Variants in LDB2 observed in about 807,000 individuals in gnomAD.
The protein encoded by LDB2 is LIM domain-binding protein 2.
LDB2 carries 12 observed loss-of-function variants against 44.3 expected under a neutral mutation model. The observed-to-expected ratio is 0.27, with a 90% CI of 0.17 to 0.44. The LOEUF (loss-of-function observed/expected upper bound fraction) is 0.44. Ranked by LOEUF, LDB2 falls within the 20% of genes least tolerant of loss-of-function variation. The pLI, the probability that LDB2 is intolerant of heterozygous loss-of-function variation, is 1.00. For synonymous variants in LDB2, 164 were observed against 174.8 expected (o/e 0.94, Z 0.49); for missense variants, 344 against 473.5 (o/e 0.73, Z 2.54).
intron 1 of LDB2, among the ~76,000 whole-genome samples, chr4:16,844,612 A>C (rs1049030430): frequency 6.6e-6 from 1 of 152,194 alleles, no homozygotes; most frequent in Non-Finnish European, 1.5e-5. Flanking sequence ...TAATGTTAAG[A>C]AATCAAATTG....
chr4:16,506,174 G>C, intron 7 of LDB2: 2 of 518,820 alleles, frequency 3.9e-6, no homozygotes, highest in Non-Finnish European at 6.7e-6. Flanking sequence ...TCAGTAGACA[G>C]GGTTAAAAGA....
chr4:16,685,341 G>A (rs1440045725), intron 2 of LDB2, among the ~76,000 whole-genome samples: 2 of 152,076 alleles, frequency 1.3e-5, no homozygotes, highest in Non-Finnish European at 2.9e-5. Flanking sequence ...AGTTAGCTGA[G>A]GTTACCTCAG....
intron 1 of LDB2, among the ~76,000 whole-genome samples, chr4:16,832,216 C>A (rs1483582807): frequency 6.6e-6 from 1 of 152,226 alleles, no homozygotes. Context: ...CATGTTCTCT[C>A]ATCTTCAGTA....
chr4:16,627,622 T>C (rs1483195189), intron 2 of LDB2, among the ~76,000 whole-genome samples: 1 of 152,188 alleles, frequency 6.6e-6, no homozygotes, highest in Non-Finnish European at 1.5e-5. Context: ...ACACAGACAC[T>C]AAGTGACAAA....
intron 2 of LDB2, among the ~76,000 whole-genome samples, chr4:16,723,134 CAA>C (rs1758672282): frequency 6.6e-6 from 1 of 152,136 alleles, no homozygotes; most frequent in Admixed American, 6.5e-5. Context: ...CTAATGATGA[CAA>C]AGTTTTTGAG....
At chr4:16,634,284 C>T (rs1732908558) in intron 2 of LDB2, among the ~76,000 whole-genome samples, 1 of 104,458 alleles carries the variant, frequency 9.6e-6, no homozygotes, top group Non-Finnish European at 1.8e-5. Flanking sequence ...AAACTAAAGT[C>T]TTTTGCACGG....
intron 2 of LDB2, among the ~76,000 whole-genome samples, chr4:16,728,564 A>G (rs538906163): frequency 2.2e-4 from 34 of 152,332 alleles, no homozygotes; most frequent in African/African-American, 8.2e-4. Flanking sequence ...AGAAATAGTG[A>G]TTGTATTTAC....
intron 2 of LDB2, among the ~76,000 whole-genome samples, chr4:16,688,195 C>T (rs944027299): frequency 1.3e-5 from 2 of 152,272 alleles, no homozygotes; most frequent in East Asian, 1.9e-4. Flanking sequence ...AGTGGCCTCC[C>T]CACAGTAGGA....
chr4:16,774,255 A>C (rs1288214338), intron 1 of LDB2, among the ~76,000 whole-genome samples: 1 of 151,736 alleles, frequency 6.6e-6, no homozygotes, highest in Non-Finnish European at 1.5e-5. Context: ...TCATTCCTCA[A>C]GGCTTCCATC....
chr4:16,509,886 C>G (rs1344754009), intron 6 of LDB2, among the ~76,000 whole-genome samples: 1 of 152,080 alleles, frequency 6.6e-6, no homozygotes, highest in Non-Finnish European at 1.5e-5. Flanking sequence ...GAGGACGAGG[C>G]AAGTGGATTG....
chr4:16,543,617 G>C (rs1196320974), intron 5 of LDB2, among the ~76,000 whole-genome samples: 2 of 152,160 alleles, frequency 1.3e-5, no homozygotes, highest in Non-Finnish European at 2.9e-5. Flanking sequence ...ATTAATTCAA[G>C]ATGGATTAAA....
chr4:16,614,983 T>C (rs1325282140), intron 2 of LDB2, among the ~76,000 whole-genome samples: 1 of 137,238 alleles, frequency 7.3e-6, no homozygotes, highest in East Asian at 2.2e-4. Context: ...GGCAGGAGAA[T>C]GGCGTGAACC....
At chr4:16,718,684 T>C (rs1757598911) in intron 2 of LDB2, among the ~76,000 whole-genome samples, 2 of 152,114 alleles carry the variant, frequency 1.3e-5, no homozygotes, top group Non-Finnish European at 2.9e-5. Context: ...CCCTAGAGAT[T>C]CATGACAAAC....
At chr4:16,730,389 G>C (rs561273144) in intron 2 of LDB2, among the ~76,000 whole-genome samples, 1 of 152,212 alleles carries the variant, frequency 6.6e-6, no homozygotes, top group South Asian at 2.1e-4. Flanking sequence ...AAATTCCACA[G>C]GGCAGATCTT....
chr4:16,545,490 G>C (rs766621748), intron 5 of LDB2, among the ~76,000 whole-genome samples: 2 of 152,170 alleles, frequency 1.3e-5, no homozygotes, highest in South Asian at 4.1e-4. Context: ...TGAAGGTTCA[G>C]AATCTTCAAA....
chr4:16,697,303 A>AC (rs1560915542), intron 2 of LDB2, among the ~76,000 whole-genome samples: 9 of 148,328 alleles, frequency 6.1e-5, no homozygotes, highest in Admixed American at 1.3e-4. Context: ...ACACACACAC[A>AC]AATTAGCCAG....
intron 5 of LDB2, among the ~76,000 whole-genome samples, chr4:16,523,842 A>G (rs1727212155): frequency 6.6e-6 from 1 of 152,198 alleles, no homozygotes; most frequent in Non-Finnish European, 1.5e-5. Context: ...ATATTTTCTG[A>G]CTGTAGTTGA....
intron 1 of LDB2, among the ~76,000 whole-genome samples, chr4:16,812,689 A>G (rs1379682859): frequency 1.4e-5 from 2 of 146,246 alleles, no homozygotes; most frequent in Non-Finnish European, 3.0e-5. Context: ...GAAAACAGAA[A>G]GGTTAACTAC....
intron 2 of LDB2, among the ~76,000 whole-genome samples, chr4:16,600,313 T>A (rs1722235341): frequency 1.3e-5 from 2 of 152,184 alleles, no homozygotes; most frequent in Non-Finnish European, 2.9e-5. Context: ...TACATTGTGC[T>A]CCTATGAAAA....
Sources: gnomAD v4.1 joint callset for allele counts (sites outside exome capture counted in the v4.1 genomes callset) on GRCh38, gnomAD v4.1.1 for gene constraint, MANE v1.5 for transcripts, NCBI Gene and HGNC (gene_info 2026-07-23, HGNC 2026-07-21) for gene names.